The following CDC14A variants were observed in gnomAD, a reference collection of about 807,000 sequenced individuals.
The protein encoded by CDC14A is dual specificity protein phosphatase CDC14A.
CDC14A carries 53 observed loss-of-function variants against 74.4 expected under a neutral mutation model. That is an observed-to-expected ratio of 0.71 (90% confidence interval 0.57 to 0.89). The LOEUF (loss-of-function observed/expected upper bound fraction) is 0.89, where lower values mean the gene tolerates loss of function less well. Among genes scored for constraint, CDC14A ranks in the 40% least tolerant of loss-of-function variants. CDC14A has a pLI of 0.00. For synonymous variants in CDC14A, 247 were observed against 258.4 expected (o/e 0.96, Z 0.43); for missense variants, 646 against 713.7 (o/e 0.91, Z 1.08).
intron 3 of CDC14A, among the ~76,000 whole-genome samples, chr1:100,382,390 A>ATTTTTTTTTTTTTT (rs59014809): frequency 8.7e-6 from 1 of 115,288 alleles, no homozygotes; most frequent in African/African-American, 3.2e-5. Context: ...CCAGCTAACT[A>ATTTTTTTTTTTTTT]TTTTTTTTTT....
rs867479334 is a variant in CDC14A at position 100,518,483 on chromosome 1, T to A, written c.*203T>A. The A allele has an allele frequency of 3.9e-6, 2 of 509,412 alleles. No individual in the cohort carries two copies. The highest frequency in any genetic ancestry group is 7.1e-5 in the Admixed American group (2 of 28,318). The allele number at this position is 509,412 out of a possible 1,614,324, so 31.6% of individuals were successfully genotyped here. ...GACTACTATAAATGCACTGAAACTA[T>A]GTTTATGGAGATTTCCATACTTTTA... On this transcript the variant is annotated 3_prime_UTR_variant, in exon 16 of 16. Transcript: ENST00000336454.
intron 7 of CDC14A, among the ~76,000 whole-genome samples, chr1:100,443,576 C>T (rs6675360): frequency 0.12 from 18,511 of 151,908 alleles, 3,330 homozygotes; most frequent in African/African-American, 0.39. Context: ...CTCAAGTGAT[C>T]CTCTTGCCTC....
chr1:100,362,248 T>C (rs543267952), intron 2 of CDC14A, among the ~76,000 whole-genome samples: 49 of 152,360 alleles, frequency 3.2e-4, no homozygotes, highest in African/African-American at 1.1e-3. Context: ...AGTTCCTTTC[T>C]GGCTTTGTGA....
rs61463263 is a variant in CDC14A at position 100,420,120 on chromosome 1, GTTTTTTT to G, written c.310-4083_310-4077del. On this transcript the variant is annotated intron_variant, in intron 4 of 15. Coordinates refer to ENST00000336454, the MANE Select transcript of CDC14A (RefSeq NM_003672.4). The stretch of plus-strand genomic sequence containing the variant: ...GTGTGTGTTATGCTTTGCTGAAAAG[GTTTTTTT>G]TTTTTTTTTTTTTTTTTTGGAGGAA... 2.8e-3 allele frequency among the ~76,000 whole-genome samples: 136 copies of G among 48,194 alleles called. 2 individuals carry two copies. The highest frequency in any genetic ancestry group is 0.011 in the South Asian group (15 of 1,384). 31.6% of individuals were successfully genotyped at this position (48,194 alleles called of 152,430 possible). A position where few individuals can be genotyped will look rare whatever the true frequency, so the allele number is the denominator to read the frequency against.
intron 15 of CDC14A, among the ~76,000 whole-genome samples, chr1:100,517,022 T>A (rs532102901): frequency 6.6e-6 from 1 of 152,366 alleles, no homozygotes; most frequent in East Asian, 1.9e-4. Flanking sequence ...TGTATATTAC[T>A]ATTTAATGTC....
rs573263558 is a variant in CDC14A at position 100,498,079 on chromosome 1, G to A, written c.1299-6G>A. On this transcript the variant is annotated splice_polypyrimidine_tract_variant and splice_region_variant and intron_variant, in intron 13 of 15. Coordinates refer to ENST00000336454, the MANE Select transcript of CDC14A (RefSeq NM_003672.4). ...TTGTGACACTTTGCCATTTTTCTCCGCAAAGATTAAGTTCATCCCTGCAAG... is the reference window on the plus strand; with the variant it reads ...TTGTGACACTTTGCCATTTTTCTCCACAAAGATTAAGTTCATCCCTGCAAG... 90 of 1,605,800 alleles carry A rather than the reference G, an allele frequency of 5.6e-5. 1 individual carries two copies. Among genetic ancestry groups the A allele is most frequent in the South Asian group, 3.7e-4 (33 of 89,328 alleles).
chr1:100,377,869 A>G (rs1020450788), intron 3 of CDC14A, among the ~76,000 whole-genome samples: 1 of 152,222 alleles, frequency 6.6e-6, no homozygotes, highest in Non-Finnish European at 1.5e-5. Flanking sequence ...GTGATCTAAG[A>G]AAGAAAGCAC....
At chr1:100,518,209 T>C (rs375255228) in intron 15 of CDC14A, 42 bp from the exon 16 acceptor site, 3 of 1,537,046 alleles carry the variant, frequency 2.0e-6, no homozygotes, top group Admixed American at 1.7e-5. Context: ...AAGTTTTACA[T>C]GTGATGGAAT....
At chr1:100,356,277 A>G (rs956207433) in intron 2 of CDC14A, among the ~76,000 whole-genome samples, 3 of 152,230 alleles carry the variant, frequency 2.0e-5, no homozygotes, top group African/African-American at 7.2e-5. Flanking sequence ...AATGGGAAAC[A>G]TTTATTGAGC....
At chr1:100,437,707 G>C (rs1322565760) in intron 5 of CDC14A, among the ~76,000 whole-genome samples, 1 of 152,050 alleles carries the variant, frequency 6.6e-6, no homozygotes, top group Non-Finnish European at 1.5e-5. Flanking sequence ...GCTGTGATGG[G>C]GTAGGAGGTA....
At chr1:100,434,543 G>T (rs1003304899) in intron 5 of CDC14A, among the ~76,000 whole-genome samples, 6 of 152,192 alleles carry the variant, frequency 3.9e-5, no homozygotes, top group African/African-American at 1.4e-4. Context: ...TTAAGAGTGG[G>T]TGTAGGAAGG....
At chr1:100,353,507 C>T (rs1367624088) in intron 1 of CDC14A, among the ~76,000 whole-genome samples, 1 of 152,198 alleles carries the variant, frequency 6.6e-6, no homozygotes, top group Non-Finnish European at 1.5e-5. Flanking sequence ...ACCCCCAGCT[C>T]CTGCCTACTC....
chr1:100,380,470 A>G (rs1163221429), intron 3 of CDC14A, among the ~76,000 whole-genome samples: 20 of 152,140 alleles, frequency 1.3e-4, no homozygotes, highest in Admixed American at 1.3e-3. Flanking sequence ...TGCCTCTTTC[A>G]TTCCAGTAAG....
intron 10 of CDC14A, among the ~76,000 whole-genome samples, chr1:100,482,512 C>A (rs1669586921): frequency 6.6e-6 from 1 of 152,068 alleles, no homozygotes; most frequent in Non-Finnish European, 1.5e-5. Context: ...CTTTTTGATT[C>A]CATCAGATTG....
intron 11 of CDC14A, among the ~76,000 whole-genome samples, chr1:100,487,572 G>GAAACGA (rs3081857): frequency 6.6e-5 from 10 of 150,974 alleles, no homozygotes; most frequent in Non-Finnish European, 8.8e-5. Context: ...AAACAAAACA[G>GAAACGA]AACAAAACAA....
At chr1:100,489,747 C>T (rs1321847468) in intron 11 of CDC14A, among the ~76,000 whole-genome samples, 1 of 152,084 alleles carries the variant, frequency 6.6e-6, no homozygotes, top group Non-Finnish European at 1.5e-5. Context: ...AGAGCAGACC[C>T]CTTTCCTGTG....
chr1:100,366,209 C>T (rs1653578617), intron 2 of CDC14A, among the ~76,000 whole-genome samples: 4 of 152,166 alleles, frequency 2.6e-5, no homozygotes. Flanking sequence ...AGAATTTATT[C>T]ATCCTGTTTT....
intron 5 of CDC14A, among the ~76,000 whole-genome samples, chr1:100,429,091 C>G (rs775364636): frequency 4.0e-4 from 61 of 151,964 alleles, no homozygotes; most frequent in Non-Finnish European, 5.6e-4. Flanking sequence ...GTAGTCCCAG[C>G]TACTCGGGAG....
chr1:100,487,560 AAAAACAAAACAGAAC>A (rs1229234498), intron 11 of CDC14A, among the ~76,000 whole-genome samples: 3 of 45,622 alleles, frequency 6.6e-5, no homozygotes, highest in African/African-American at 1.1e-4. Flanking sequence ...ACTCGGTCTC[AAAAACAAAACAGAAC>A]AAAACAAAAC....
Sources: allele counts gnomAD v4.1 joint callset (sites outside exome capture counted in the v4.1 genomes callset), GRCh38; gene constraint gnomAD v4.1.1; transcripts MANE v1.5; gene names NCBI Gene and HGNC (gene_info 2026-07-23, HGNC 2026-07-21).